The following NCOA2 variants were observed in gnomAD, a reference collection of about 807,000 sequenced individuals.
NCOA2 encodes class E basic helix-loop-helix protein 75.
In NCOA2, 21 loss-of-function variants were observed where a neutral mutation model predicts 145.1. That is an observed-to-expected ratio of 0.14 (90% CI 0.10 to 0.21). NCOA2 has a LOEUF of 0.21. Ranked by LOEUF, NCOA2 falls within the 10% of genes least tolerant of loss-of-function variation. The pLI is 1.00. For missense variants in NCOA2, 1,472 were observed against 1,837.6 expected (o/e 0.80, Z 3.64); for synonymous variants, 619 against 637.5 (o/e 0.97, Z 0.44).
At chr8:70,225,640 T>C (rs950049920) in intron 2 of NCOA2, among the ~76,000 whole-genome samples, 3 of 151,398 alleles carry the variant, frequency 2.0e-5, no homozygotes, top group African/African-American at 4.9e-5. Flanking sequence ...ATAATGTAGA[T>C]GGGGTGAGGG....
At chr8:70,279,978 G>A (rs1397499391) in intron 2 of NCOA2, among the ~76,000 whole-genome samples, 1 of 152,168 alleles carries the variant, frequency 6.6e-6, no homozygotes, top group Admixed American at 6.5e-5. Flanking sequence ...TTCCAGGTTT[G>A]CTTATACTGG....
intron 4 of NCOA2, among the ~76,000 whole-genome samples, chr8:70,200,677 C>T (rs985613094): frequency 6.6e-6 from 1 of 152,066 alleles, no homozygotes; most frequent in African/African-American, 2.4e-5. Flanking sequence ...CACAGAAGGG[C>T]AAATATTACA....
At chr8:70,379,412 T>C (rs1296785579) in intron 1 of NCOA2, among the ~76,000 whole-genome samples, 1 of 152,276 alleles carries the variant, frequency 6.6e-6, no homozygotes, top group African/African-American at 2.4e-5. Context: ...AGATTTAATA[T>C]CATGTGGTTT....
chr8:70,214,436 T>C (rs1819376432), intron 3 of NCOA2, among the ~76,000 whole-genome samples: 1 of 152,212 alleles, frequency 6.6e-6, no homozygotes. Flanking sequence ...AAGGAGGTTA[T>C]ATTTTAAAAT....
chr8:70,294,985 T>C (rs951946015), intron 2 of NCOA2, among the ~76,000 whole-genome samples: 1 of 152,188 alleles, frequency 6.6e-6, no homozygotes, highest in African/African-American at 2.4e-5. Flanking sequence ...TCAATAATTC[T>C]TAAAGGTCAG....
intron 4 of NCOA2, among the ~76,000 whole-genome samples, chr8:70,195,783 G>A (rs570141687): frequency 7.9e-5 from 12 of 152,204 alleles, no homozygotes; most frequent in African/African-American, 2.9e-4. Context: ...CTGCTACACC[G>A]CTTACAACTT....
intron 19 of NCOA2, chr8:70,126,550 C>A: frequency 1.9e-6 from 1 of 517,182 alleles, no homozygotes; most frequent in South Asian, 2.5e-5. Context: ...TCTATGCACA[C>A]ACACTTACTT....
intron 1 of NCOA2, among the ~76,000 whole-genome samples, chr8:70,399,954 A>G (rs544802503): frequency 6.6e-6 from 1 of 152,380 alleles, no homozygotes; most frequent in East Asian, 1.9e-4. Flanking sequence ...TACAGGGCAT[A>G]TAATGGAAGG....
At chr8:70,427,263 G>T in the NCOA2 span, among the ~76,000 whole-genome samples, 2 of 152,208 alleles carry the variant, frequency 1.3e-5, no homozygotes, top group East Asian at 3.9e-4. Context: ...TTAAAACAGA[G>T]AAACTAGTAA....
intron 2 of NCOA2, among the ~76,000 whole-genome samples, chr8:70,248,560 TTCCAGGAGCTCCCCCTGGATACCAAAA>T (rs1217892022): frequency 6.6e-6 from 1 of 152,154 alleles, no homozygotes; most frequent in South Asian, 2.1e-4. Flanking sequence ...GGGGGATTGC[TTCCAGGAGCTCCCCCTGGATACCAAAA>T]TCCATGGATG....
intron 1 of NCOA2, among the ~76,000 whole-genome samples, chr8:70,367,984 T>C (rs1810868358): frequency 6.6e-6 from 1 of 152,192 alleles, no homozygotes; most frequent in African/African-American, 2.4e-5. Flanking sequence ...AGGAATGAAT[T>C]CAACATAGAC....
chr8:70,283,643 G>T (rs774363393), intron 2 of NCOA2, among the ~76,000 whole-genome samples: 1 of 152,292 alleles, frequency 6.6e-6, no homozygotes, highest in East Asian at 1.9e-4. Flanking sequence ...TCTTTATGTT[G>T]TCTACCTACC....
intron 1 of NCOA2, among the ~76,000 whole-genome samples, chr8:70,393,204 C>A (rs75791471): frequency 0.032 from 4,863 of 152,222 alleles, 250 homozygotes; most frequent in African/African-American, 0.11. Flanking sequence ...CACTTCTGTC[C>A]TAAGAAGGGG....
At chr8:70,365,513 C>T (rs1810613824) in intron 1 of NCOA2, among the ~76,000 whole-genome samples, 1 of 152,148 alleles carries the variant, frequency 6.6e-6, no homozygotes, top group South Asian at 2.1e-4. Flanking sequence ...AATTCTGAAC[C>T]AAATTATACA....
intron 3 of NCOA2, among the ~76,000 whole-genome samples, chr8:70,216,350 C>T (rs1357210518): frequency 6.6e-6 from 1 of 152,130 alleles, no homozygotes; most frequent in South Asian, 2.1e-4. Context: ...AAATTAACGG[C>T]AAATCCTTTT....
chr8:70,440,987 A>G, the NCOA2 span, among the ~76,000 whole-genome samples: 1 of 150,332 alleles, frequency 6.7e-6, no homozygotes, highest in Non-Finnish European at 1.5e-5. Flanking sequence ...AGAGAAAGAA[A>G]GAGGAAAGAT....
intron 1 of NCOA2, among the ~76,000 whole-genome samples, chr8:70,340,741 T>C (rs892564660): frequency 2.6e-5 from 4 of 152,166 alleles, no homozygotes; most frequent in Admixed American, 2.0e-4. Context: ...CACGGAATAC[T>C]ATGCAGCCAT....
rs141616296 is a variant in NCOA2 at position 70,284,743 on chromosome 8, G to A, written c.-20+12001C>T. ...GTGTATTACTGAAGGGGATTTCAACGTATCATGAGATTGTTAGGAAAGAAG... is the reference window on the plus strand; with the variant it reads ...GTGTATTACTGAAGGGGATTTCAACATATCATGAGATTGTTAGGAAAGAAG... On this transcript the variant is annotated intron_variant, in intron 2 of 22. Transcript: ENST00000452400. 4.3e-4 allele frequency among the ~76,000 whole-genome samples: 66 copies of A among 152,144 alleles called. No individual in the cohort carries two copies. The East Asian group carries it at 0.011, about 26-fold the overall frequency.
At chr8:70,184,571 G>A (rs950518293) in intron 4 of NCOA2, among the ~76,000 whole-genome samples, 1 of 152,140 alleles carries the variant, frequency 6.6e-6, no homozygotes, top group Non-Finnish European at 1.5e-5. Flanking sequence ...TATAAAGTGG[G>A]ATTGGCCGAA....
Sources: gnomAD v4.1 joint callset for allele counts (sites outside exome capture counted in the v4.1 genomes callset) on GRCh38, gnomAD v4.1.1 for gene constraint, MANE v1.5 for transcripts, NCBI Gene and HGNC (gene_info 2026-07-23, HGNC 2026-07-21) for gene names.